EPHA8: variants seen among roughly 807,000 people sequenced by gnomAD.
EPHA8 encodes ephrin type-A receptor 8.
EPHA8 carries 58 observed loss-of-function variants against 103.6 expected under a neutral mutation model. That is an observed-to-expected ratio of 0.56 (90% CI 0.45 to 0.70). The LOEUF (loss-of-function observed/expected upper bound fraction) is 0.70. Ranked by LOEUF, EPHA8 falls within the 30% of genes least tolerant of loss-of-function variation. EPHA8 has a pLI of 0.00. For synonymous variants in EPHA8, 559 were observed against 572.5 expected (o/e 0.98, Z 0.34); for missense variants, 1,304 against 1,395.2 (o/e 0.93, Z 1.04).
chr1:22,576,522 A>T lies in EPHA8; in HGVS notation c.465A>T (p.Thr155=). 1 of 1,614,186 alleles carries T rather than the reference A, an allele frequency of 6.2e-7. No individual in the cohort carries two copies. ...CCATTGCGGCCGACGAGAGCTTCACAGGTGCCGACCTTGGTGTGCGGCGTC... is the reference window on the plus strand; with the variant it reads ...CCATTGCGGCCGACGAGAGCTTCACTGGTGCCGACCTTGGTGTGCGGCGTC... ...IDTIAADESF[T]GADLGVRRLK... The change falls in exon 3 of 17, where the codon ACA becomes ACT. Residue 155 remains threonine (T), a synonymous_variant. Coordinates refer to ENST00000166244, the MANE Select transcript of EPHA8 (RefSeq NM_020526.5). The surrounding 1 kb of genome is among the most constrained non-coding windows in gnomAD (Gnocchi z 4.8).
chr1:22,588,744 C>T, intron 4 of EPHA8, 127 bp from the exon 5 acceptor site: 1 of 1,478,950 alleles, frequency 6.8e-7, no homozygotes, highest in Non-Finnish European at 8.9e-7. Flanking sequence ...TAGATGTGGA[C>T]CTTATCCTTA....
In EPHA8 at chr1:22,576,627, C is replaced by T; in HGVS notation, c.570C>T (p.Ala190=). ...ACCTGGCCTTCCAGGACATAGGTGC[C>T]TGCCTGGCCATCCTCTCTCTCCGCA... ...GFYLAFQDIG[A]CLAILSLRIY... The change falls in exon 3 of 17, where the codon GCC becomes GCT. Residue 190 remains alanine, a synonymous_variant. Coordinates refer to ENST00000166244, the MANE Select transcript of EPHA8 (RefSeq NM_020526.5). This position sits in a 1 kb window ranked among gnomAD's most constrained non-coding sequence, Gnocchi z 4.8. The T allele has an allele frequency of 6.2e-7, 1 of 1,613,944 alleles. No individual in the cohort carries two copies. Among genetic ancestry groups the T allele is most frequent in the Non-Finnish European group, 8.5e-7 (1 of 1,180,034 alleles).
Position 22,598,270 on chromosome 1 carries a change from G to T in EPHA8, c.2178+58G>T. On this transcript the variant is annotated intron_variant, in intron 12 of 16. Transcript: ENST00000166244. The surrounding 1 kb of genome is among the most constrained non-coding windows in gnomAD (Gnocchi z 5.1). ...TTGGGGAGGGAGGTCCAGTCTGGGT[G>T]CTGGGAGATAGTGCAAAGCCCTCTA... 6.4e-7 allele frequency: 1 copy of T among 1,565,654 alleles called. No individual in the cohort carries two copies. The highest frequency in any genetic ancestry group is 8.7e-7 in the Non-Finnish European group (1 of 1,144,790).
At chr1:22,585,972 C>G (rs556476282) in intron 3 of EPHA8, among the ~76,000 whole-genome samples, 10 of 152,136 alleles carry the variant, frequency 6.6e-5, no homozygotes, top group Admixed American at 3.3e-4. Flanking sequence ...GGTGTCCCCC[C>G]CCTTTCTAGT....
intron 13 of EPHA8, among the ~76,000 whole-genome samples, chr1:22,599,539 G>C (rs572750048): frequency 6.6e-6 from 1 of 150,986 alleles, no homozygotes; most frequent in Non-Finnish European, 1.5e-5. Context: ...GTAAGGTTTC[G>C]CATGGAGAAA....
rs768074669 is a variant in EPHA8, at chr1:22,598,111, C to T, written c.2117-40C>T. On this transcript the variant is annotated intron_variant, in intron 11 of 16. Coordinates refer to ENST00000166244, the MANE Select transcript of EPHA8 (RefSeq NM_020526.5). This position sits in a 1 kb window ranked among gnomAD's most constrained non-coding sequence, Gnocchi z 5.1. ...GGGGTCTCTGATCAGCAGCCCTGAG[C>T]CCCAAACCAAGAGCCACCCTCTCCC... The T allele has an allele frequency of 3.8e-5, 61 of 1,602,312 alleles. No homozygotes were observed. The South Asian group carries it at 4.7e-4, about 12-fold the overall frequency.
chr1:22,579,157 GTA>G (rs1640953701), intron 3 of EPHA8, among the ~76,000 whole-genome samples: 2 of 150,468 alleles, frequency 1.3e-5, no homozygotes, highest in African/African-American at 2.5e-5. Context: ...GTGCAAGAGT[GTA>G]TGTATGCATG....
Position 22,597,824 on chromosome 1 carries a change from T to A in EPHA8, c.2079T>A (p.His693Gln). 6.2e-7 allele frequency: 1 copy of A among 1,612,702 alleles called. No homozygotes were observed. The highest frequency in any genetic ancestry group is 1.1e-5 in the South Asian group (1 of 91,044). Residue 693 changes from histidine to glutamine, a missense_variant, in exon 11 of 17, where the codon CAT becomes CAA. Physicochemically the swap from His to Gln is conservative, Grantham distance 24. Coordinates refer to ENST00000166244, the MANE Select transcript of EPHA8 (RefSeq NM_020526.5). The surrounding 1 kb of genome is among the most constrained non-coding windows in gnomAD (Gnocchi z 4.6). ...CGTCCATCATGGGGCAATTCGACCA[T>A]CCCAACATCATCCGCCTCGAGGGTG... ...SEASIMGQFD[H>Q]PNIIRLEGVV...
At position 22,601,637 on chromosome 1, in the gene EPHA8, GCC is replaced by G; in HGVS notation, c.2916_2917del (p.Leu973GlyfsTer56). On this transcript the variant is annotated frameshift_variant, in exon 17 of 17. Transcript: ENST00000166244. LOFTEE classifies it high-confidence loss of function. ...ACCCTTCCTTCACAGGGACGTGCGC[GCC>G]CTGGGCATCACCCTCATGGGCCACC... ...VLRMNAQDVR[A>X]LGITLMGHQK... 5 of 1,592,420 alleles carry G rather than the reference GCC, an allele frequency of 3.1e-6. No homozygotes were observed. Among genetic ancestry groups the G allele is most frequent in the Non-Finnish European group, 2.6e-6 (3 of 1,169,786 alleles).
intron 2 of EPHA8, among the ~76,000 whole-genome samples, chr1:22,570,439 T>C (rs1323969999): frequency 2.7e-5 from 2 of 74,862 alleles, no homozygotes; most frequent in East Asian, 5.8e-4. Context: ...GAGCACATTG[T>C]GCATACTTGA....
chr1:22,574,065 G>T (rs1166606014), intron 2 of EPHA8, among the ~76,000 whole-genome samples: 3 of 152,186 alleles, frequency 2.0e-5, no homozygotes. Flanking sequence ...TGCAAACTCC[G>T]TCCCCCGGGT....
Position 22,589,511 on chromosome 1 carries a change from A to G in EPHA8, c.1315+305A>G. On this transcript the variant is annotated intron_variant, in intron 5 of 16. Transcript: ENST00000166244. The surrounding 1 kb of genome is among the most constrained non-coding windows in gnomAD (Gnocchi z 4.3). ...GTTTCCTCCCTGGTGCAATGGGAAT[A>G]ATAGTACCTGCCTGAGGTCCTCTCA... is the stretch of plus-strand genomic sequence containing the variant. 7.0e-7 allele frequency: 1 copy of G among 1,423,410 alleles called. No homozygotes were observed. The highest frequency in any genetic ancestry group is 9.1e-7 in the Non-Finnish European group (1 of 1,094,092). 88.2% of individuals were successfully genotyped at this position (1,423,410 alleles called of 1,614,324 possible). A position where few individuals can be genotyped will look rare whatever the true frequency, so the allele number is the denominator to read the frequency against.
chr1:22,583,545 G>A (rs141615089), intron 3 of EPHA8, among the ~76,000 whole-genome samples: 2 of 152,184 alleles, frequency 1.3e-5, no homozygotes, highest in Non-Finnish European at 2.9e-5. Flanking sequence ...GGCTCCCTGA[G>A]CCTCTGTTTC....
In EPHA8 at chr1:22,589,195, C is replaced by T. The variant is rs201286524; in HGVS notation, c.1304C>T (p.Thr435Met). The T allele has an allele frequency of 2.2e-5, 36 of 1,613,978 alleles. No individual in the cohort carries two copies. Among genetic ancestry groups the T allele is most frequent in the Non-Finnish European group, 2.7e-5 (32 of 1,179,998 alleles). ...CGGGCCGCTGTGGTCAACATCACCACGAACCAGGCAGGTAGGCGGAGAAAC... is the reference window on the plus strand; with the variant it reads ...CGGGCCGCTGTGGTCAACATCACCATGAACCAGGCAGGTAGGCGGAGAAAC... ...PRRAAVVNITTNQAAPSQVVV... is the reference protein window; with the variant it reads ...PRRAAVVNITMNQAAPSQVVV... The change falls in exon 5 of 17, where the codon ACG (threonine) becomes ATG (methionine). Residue 435 changes from threonine to methionine, a missense_variant. Thr to Met is a moderately conservative substitution (Grantham distance 81). Coordinates refer to ENST00000166244, the MANE Select transcript of EPHA8 (RefSeq NM_020526.5). This position sits in a 1 kb window ranked among gnomAD's most constrained non-coding sequence, Gnocchi z 4.3.
Position 22,600,678 on chromosome 1 carries a change from C to T in EPHA8, c.2406C>T (p.Ile802=), listed in dbSNP as rs1260626399. ...CGTCGCAGGGCGGGAAGATCCCCAT[C>T]CGCTGGACGGCCCCAGAGGCCATCG... The part of the protein sequence containing the change: ...AYTTTGGKIP[I]RWTAPEAIAF... The change falls in exon 14 of 17, where the codon ATC becomes ATT. Residue 802 remains isoleucine, a synonymous_variant. Transcript: ENST00000166244. The T allele has an allele frequency of 6.2e-7, 1 of 1,613,492 alleles. No homozygotes were observed. Among genetic ancestry groups the T allele is most frequent in the South Asian group, 1.1e-5 (1 of 91,074 alleles).
At chr1:22,578,800 T>C (rs1640912889) in intron 3 of EPHA8, among the ~76,000 whole-genome samples, 1 of 151,896 alleles carries the variant, frequency 6.6e-6, no homozygotes, top group African/African-American at 2.4e-5. Context: ...TATGTGTGCG[T>C]GTGTGCATGT....
Position 22,597,169 on chromosome 1 carries a change from T to C in EPHA8, c.1766-143T>C, listed in dbSNP as rs534723647. On this transcript the variant is annotated intron_variant, in intron 9 of 16. Coordinates refer to ENST00000166244, the MANE Select transcript of EPHA8 (RefSeq NM_020526.5). This position sits in a 1 kb window ranked among gnomAD's most constrained non-coding sequence, Gnocchi z 4.6. ...CCCACTTTCACTTGGGAAATACTTA[T>C]GGGGTGCGTGTTGTTTGCTACCACA... 3 of 629,554 alleles carry C rather than the reference T, an allele frequency of 4.8e-6. No homozygotes were observed. The East Asian group carries it at 8.9e-5, about 19-fold the overall frequency. The allele number at this position is 629,554 out of a possible 1,614,324, so 39.0% of individuals were successfully genotyped here.
Position 22,569,219 on chromosome 1 carries a change from G to A in EPHA8, c.95-70G>A. 3 of 1,526,860 alleles carry A rather than the reference G, an allele frequency of 2.0e-6. No homozygotes were observed. The South Asian group carries it at 3.4e-5, about 17-fold the overall frequency. The allele number at this position is 1,526,860 out of a possible 1,614,324, so 94.6% of individuals were successfully genotyped here. A position where few individuals can be genotyped will look rare whatever the true frequency, so the allele number is the denominator to read the frequency against. Reference sequence around the variant, plus strand: ...GCTGAGTGTGGACCAGTGTAGCTGGGTCAGGCTGCTCTTGAGGAGCTGGGG... The same window carrying A: ...GCTGAGTGTGGACCAGTGTAGCTGGATCAGGCTGCTCTTGAGGAGCTGGGG... On this transcript the variant is annotated intron_variant, in intron 1 of 16. Coordinates refer to ENST00000166244, the MANE Select transcript of EPHA8 (RefSeq NM_020526.5). The surrounding 1 kb of genome is among the most constrained non-coding windows in gnomAD (Gnocchi z 4.5).
rs750672863 is a variant in EPHA8 at position 22,576,245 on chromosome 1, C to T, written c.188C>T (p.Ser63Phe). 25 of 1,611,774 alleles carry T rather than the reference C, an allele frequency of 1.6e-5. No individual in the cohort carries two copies. In the South Asian group the frequency reaches 2.6e-4, roughly 17 times the overall value. Residue 63 changes from serine to phenylalanine, a missense_variant, in exon 3 of 17, where the codon TCC (serine) becomes TTC (phenylalanine). Ser to Phe is a radical substitution (Grantham distance 155, BLOSUM62 -2). Coordinates refer to ENST00000166244, the MANE Select transcript of EPHA8 (RefSeq NM_020526.5). The surrounding 1 kb of genome is among the most constrained non-coding windows in gnomAD (Gnocchi z 4.8). ...GWDSINEVDE[S>F]FQPIHTYQVC... ...GACTCCATCAACGAGGTGGACGAGTCCTTCCAGCCCATCCACACGTACCAG... is the reference window on the plus strand; with the variant it reads ...GACTCCATCAACGAGGTGGACGAGTTCTTCCAGCCCATCCACACGTACCAG...
Sources: allele counts gnomAD v4.1 joint callset (sites outside exome capture counted in the v4.1 genomes callset), GRCh38; gene constraint gnomAD v4.1.1; non-coding constraint Gnocchi (gnomAD v3.1); transcripts MANE v1.5; gene names NCBI Gene and HGNC (gene_info 2026-07-23, HGNC 2026-07-21).